Variants in NOVA1 observed in about 807,000 individuals in gnomAD.
The protein encoded by NOVA1 is RNA-binding protein Nova-1.
Under a neutral mutation model 38.0 loss-of-function variants are expected in NOVA1, and 7 were observed. The observed-to-expected ratio is 0.18, with a 90% CI of 0.10 to 0.35. The LOEUF is 0.35. NOVA1 is among the 10% of genes least tolerant of loss of function. NOVA1 has a pLI of 1.00. For missense variants in NOVA1, 460 were observed against 616.0 expected, an observed-to-expected ratio of 0.75 and a Z score of 2.68; for synonymous variants, 270 against 232.5, an observed-to-expected ratio of 1.16 and a Z score of -1.47.
At chr14:26,474,910 T>C (rs1458555820) in intron 3 of NOVA1, among the ~76,000 whole-genome samples, 2 of 152,048 alleles carry the variant, frequency 1.3e-5, no homozygotes, top group Non-Finnish European at 2.9e-5. Flanking sequence ...ACCCCTGCTT[T>C]ATAAATTCAA....
At chr14:26,515,269 T>A (rs1888380043) in intron 2 of NOVA1, among the ~76,000 whole-genome samples, 1 of 151,914 alleles carries the variant, frequency 6.6e-6, no homozygotes, top group South Asian at 2.1e-4. Context: ...CCTGGAATTG[T>A]GCAATATGAT....
At chr14:26,562,402 A>G (rs1027793376) in intron 2 of NOVA1, among the ~76,000 whole-genome samples, 1 of 152,292 alleles carries the variant, frequency 6.6e-6, no homozygotes, top group African/African-American at 2.4e-5. Context: ...GCATATAGTA[A>G]GGCACTCCAC....
chr14:26,591,175 A>G (rs1186736378), intron 2 of NOVA1, among the ~76,000 whole-genome samples: 1 of 151,756 alleles, frequency 6.6e-6, no homozygotes, highest in East Asian at 1.9e-4. Flanking sequence ...TTAAACCAAA[A>G]TACAGCAAAT....
At chr14:26,485,615 A>G (rs187883087) in intron 2 of NOVA1, among the ~76,000 whole-genome samples, 32 of 152,274 alleles carry the variant, frequency 2.1e-4, no homozygotes, top group Non-Finnish European at 3.8e-4. Flanking sequence ...CTGAGACATT[A>G]TTCAAACCAG....
At chr14:26,463,261 A>C (rs1390313655) in intron 4 of NOVA1, among the ~76,000 whole-genome samples, 3 of 152,146 alleles carry the variant, frequency 2.0e-5, no homozygotes, top group Non-Finnish European at 4.4e-5. Context: ...AAAAGCTGTA[A>C]TGTAGCATTT....
At chr14:26,517,280 T>C (rs1449067217) in intron 2 of NOVA1, among the ~76,000 whole-genome samples, 2 of 152,136 alleles carry the variant, frequency 1.3e-5, no homozygotes, top group Admixed American at 6.6e-5. Context: ...CCTGGCTCTT[T>C]TTGCTAGAAT....
intron 2 of NOVA1, among the ~76,000 whole-genome samples, chr14:26,575,152 T>C (rs1892760278): frequency 6.6e-6 from 1 of 152,204 alleles, no homozygotes; most frequent in Non-Finnish European, 1.5e-5. Context: ...CAATTTAAGA[T>C]AAATAAAAGT....
intron 2 of NOVA1, among the ~76,000 whole-genome samples, chr14:26,586,955 G>C (rs1185690289): frequency 1.4e-5 from 2 of 146,160 alleles, no homozygotes; most frequent in Admixed American, 1.4e-4. Context: ...AAGACTAGGA[G>C]AGAGAGGAGG....
At chr14:26,581,861 C>T (rs1893246249) in intron 2 of NOVA1, among the ~76,000 whole-genome samples, 1 of 151,840 alleles carries the variant, frequency 6.6e-6, no homozygotes, top group Non-Finnish European at 1.5e-5. Context: ...TCATTATTAA[C>T]TTGACATATC....
intron 2 of NOVA1, among the ~76,000 whole-genome samples, chr14:26,546,609 A>AT (rs1287866974): frequency 6.6e-6 from 1 of 152,172 alleles, no homozygotes; most frequent in Non-Finnish European, 1.5e-5. Context: ...CAATTTCACT[A>AT]TTTCTTCAGC....
intron 4 of NOVA1, chr14:26,470,603 T>C: frequency 1.3e-6 from 1 of 744,534 alleles, no homozygotes; most frequent in African/African-American, 1.7e-5. Flanking sequence ...AATTTAGATT[T>C]GGCAAGGGTA....
At chr14:26,508,196 AG>A (rs1887787885) in intron 2 of NOVA1, among the ~76,000 whole-genome samples, 1 of 152,098 alleles carries the variant, frequency 6.6e-6, no homozygotes, top group Admixed American at 6.5e-5. Context: ...TCTCCCTCAA[AG>A]ATGAATACAC....
chr14:26,448,296 T>C lies in NOVA1; in HGVS notation c.1187A>G (p.Asn396Ser), dbSNP rs1882267646. 6.2e-7 allele frequency: 1 copy of C among 1,614,138 alleles called. No homozygotes were observed. The highest frequency in any genetic ancestry group is 8.5e-7 in the Non-Finnish European group (1 of 1,180,010). Residue 396 changes from asparagine (N) to serine (S), a missense_variant, in exon 5 of 5, where the codon AAT becomes AGT. By Grantham distance (46) the Asn-to-Ser change is conservative (BLOSUM62 1). Transcript: ENST00000539517. This position sits in a 1 kb window ranked among gnomAD's most constrained non-coding sequence, Gnocchi z 5.3. ...GSLAAATAAT[N>S]GYFGAASPLA... ...GGGAGAAGCAGCTCCAAAATATCCA[T>C]TGGTTGCAGCAGTAGCAGCAGCCAG...
rs547191929 is a variant in NOVA1 at position 26,456,630 on chromosome 14, G to A, written c.520-7667C>T. 5.3e-5 allele frequency among the ~76,000 whole-genome samples: 8 copies of A among 151,898 alleles called. No homozygotes were observed. The East Asian group carries it at 7.8e-4, about 15-fold the overall frequency. ...TATCTTTTTCTTTTTTAAAACATTGGTGTCCGTATATATTGTCTTTTGCAA... is the reference window on the plus strand; with the variant it reads ...TATCTTTTTCTTTTTTAAAACATTGATGTCCGTATATATTGTCTTTTGCAA... On this transcript the variant is annotated intron_variant, in intron 4 of 4. Transcript: ENST00000539517.
At chr14:26,572,951 C>A (rs1241480234) in intron 2 of NOVA1, among the ~76,000 whole-genome samples, 2 of 151,908 alleles carry the variant, frequency 1.3e-5, no homozygotes, top group East Asian at 3.9e-4. Flanking sequence ...ATAAAGTGTA[C>A]ATAAAACAAA....
intron 2 of NOVA1, among the ~76,000 whole-genome samples, chr14:26,508,745 G>C (rs912038955): frequency 5.9e-4 from 89 of 151,680 alleles, no homozygotes; most frequent in African/African-American, 2.1e-3. Context: ...AAAATCACTT[G>C]TATTTCATAC....
intron 4 of NOVA1, among the ~76,000 whole-genome samples, chr14:26,451,587 G>A (rs1445168897): frequency 6.6e-6 from 1 of 152,000 alleles, no homozygotes; most frequent in Non-Finnish European, 1.5e-5. Flanking sequence ...TGTCCAGGCT[G>A]GTCTCAAACT....
chr14:26,579,053 CTTTTTTTTTT>C (rs869075814), intron 2 of NOVA1, among the ~76,000 whole-genome samples: 1 of 80,076 alleles, frequency 1.2e-5, no homozygotes, highest in Admixed American at 2.0e-4. Flanking sequence ...AGGTGGTATT[CTTTTTTTTTT>C]TTTTTTTTTT....
Position 26,480,111 on chromosome 14 carries a change from T to G in NOVA1, c.313A>C (p.Thr105Pro). The G allele has an allele frequency of 6.2e-7, 1 of 1,614,000 alleles. No individual in the cohort carries two copies. The highest frequency in any genetic ancestry group is 1.1e-5 in the South Asian group (1 of 91,074). Reference protein sequence around the residue: ...TTERVCLIQGTVEALNAVHGF... With the variant: ...TTERVCLIQGPVEALNAVHGF... ...TGAACTGCATTCAGTGCTTCAACCGTTCCCTGGATCAAGCACACTCGCTCA... is the reference window on the plus strand; with the variant it reads ...TGAACTGCATTCAGTGCTTCAACCGGTCCCTGGATCAAGCACACTCGCTCA... Residue 105 changes from threonine (T) to proline (P), a missense_variant, in exon 3 of 5, where the codon ACG becomes CCG. Physicochemically the swap from Thr to Pro is conservative, Grantham distance 38 (BLOSUM62 -1). Coordinates refer to ENST00000539517, the MANE Select transcript of NOVA1 (RefSeq NM_002515.3).
Sources: gnomAD v4.1 joint callset for allele counts (sites outside exome capture counted in the v4.1 genomes callset) on GRCh38, gnomAD v4.1.1 for gene constraint, Gnocchi (gnomAD v3.1) non-coding constraint, MANE v1.5 for transcripts, NCBI Gene and HGNC (gene_info 2026-07-23, HGNC 2026-07-21) for gene names.